LSM12: variants seen among roughly 807,000 people sequenced by gnomAD.
LSM12 encodes the protein protein LSM12.
For missense variants in LSM12, 108 were observed against 238.9 expected (o/e 0.45, Z 3.61); for synonymous variants, 74 against 87.3 (o/e 0.85, Z 0.85).
chr17:44,053,218 C>G (rs2049669580), intron 2 of LSM12, among the ~76,000 whole-genome samples: 1 of 152,170 alleles, frequency 6.6e-6, no homozygotes. Flanking sequence ...CAAATTCAGC[C>G]AACCACTTGT....
Position 44,037,551 on chromosome 17 carries a change from G to A in LSM12, c.369-13C>T, listed in dbSNP as rs766167532. 6 of 1,599,592 alleles carry A rather than the reference G, an allele frequency of 3.8e-6. No homozygotes were observed. The highest frequency in any genetic ancestry group is 5.1e-6 in the Non-Finnish European group (6 of 1,173,678). On this transcript the variant is annotated splice_polypyrimidine_tract_variant and intron_variant, in intron 3 of 4. Transcript: ENST00000293406. ...ACAGTCTTTAATGCTGGAAGGAGAAGACAGCAGGCGAAATGTAACCTCTTG... is the reference window on the plus strand; with the variant it reads ...ACAGTCTTTAATGCTGGAAGGAGAAAACAGCAGGCGAAATGTAACCTCTTG...
intron 2 of LSM12, among the ~76,000 whole-genome samples, chr17:44,043,837 A>G (rs2049527435): frequency 6.6e-6 from 1 of 151,854 alleles, no homozygotes; most frequent in South Asian, 2.1e-4. Context: ...GAAGTCTTTA[A>G]GGAAAGAAGG....
At chr17:44,064,794 A>G (rs1267692773) in intron 1 of LSM12, among the ~76,000 whole-genome samples, 1 of 152,084 alleles carries the variant, frequency 6.6e-6, no homozygotes, top group African/African-American at 2.4e-5. Context: ...CCACTAATGT[A>G]AAAGGTCTTA....
At chr17:44,057,511 C>A (rs1275282407) in intron 2 of LSM12, among the ~76,000 whole-genome samples, 1 of 151,302 alleles carries the variant, frequency 6.6e-6, no homozygotes. Flanking sequence ...CCTGTAATCC[C>A]AGCACTTTGG....
intron 2 of LSM12, among the ~76,000 whole-genome samples, chr17:44,061,808 A>T (rs928796808): frequency 2.6e-5 from 4 of 152,238 alleles, no homozygotes; most frequent in Non-Finnish European, 4.4e-5. Flanking sequence ...GAGGCATCTT[A>T]TTCATCCAAC....
At chr17:44,045,936 C>CTTTT (rs67446547) in intron 2 of LSM12, among the ~76,000 whole-genome samples, 1 of 122,572 alleles carries the variant, frequency 8.2e-6, no homozygotes, top group African/African-American at 3.2e-5. Flanking sequence ...AAATATTTTA[C>CTTTT]TTTTTTTTTT....
At chr17:44,037,849 G>A (rs1205695810) in intron 3 of LSM12, among the ~76,000 whole-genome samples, 1 of 152,180 alleles carries the variant, frequency 6.6e-6, no homozygotes, top group Non-Finnish European at 1.5e-5. Flanking sequence ...AGCAGCCTAG[G>A]GCAGAGGCTG....
chr17:44,045,107 A>C (rs567736574), intron 2 of LSM12, among the ~76,000 whole-genome samples: 2 of 152,256 alleles, frequency 1.3e-5, no homozygotes, highest in South Asian at 4.2e-4. Flanking sequence ...AGCTCACTGC[A>C]ACCTCCGCCT....
intron 4 of LSM12, 188 bp downstream of exon 4, chr17:44,037,224 A>G (rs2049427555): frequency 1.8e-6 from 1 of 554,934 alleles, no homozygotes; most frequent in Non-Finnish European, 2.9e-6. Context: ...TTCTTTCCAC[A>G]CCACCCAGTG....
At position 44,046,487 on chromosome 17, in the gene LSM12, C is replaced by CACGG. The variant is rs1002810775; in HGVS notation, c.259-6235_259-6232dup. 1.5e-3 allele frequency among the ~76,000 whole-genome samples: 234 copies of CACGG among 151,132 alleles called. 1 individual carries two copies. Among genetic ancestry groups the CACGG allele is most frequent in the African/African-American group, 5.5e-3 (226 of 41,396 alleles). On this transcript the variant is annotated intron_variant, in intron 2 of 4. Coordinates refer to ENST00000293406, the MANE Select transcript of LSM12 (RefSeq NM_001371445.1). ...CTTTGGGAGGCCGAGGCGGATGGATCACGGGGTCAGGAGATCGAGACCATC... is the reference window on the plus strand; with the variant it reads ...CTTTGGGAGGCCGAGGCGGATGGATCACGGACGGGGTCAGGAGATCGAGACCATC...
upstream of LSM12, chr17:44,066,690 C>A: frequency 8.1e-7 from 1 of 1,228,946 alleles, no homozygotes; most frequent in Non-Finnish European, 1.0e-6. Flanking sequence ...AGCGTGCTTG[C>A]GTCACACGCC....
chr17:44,055,953 C>T (rs2049707809), intron 2 of LSM12, among the ~76,000 whole-genome samples: 1 of 151,446 alleles, frequency 6.6e-6, no homozygotes, highest in Admixed American at 6.6e-5. Flanking sequence ...CGAATTCTTC[C>T]CTCAATGTGA....
At chr17:44,066,697 C>T (rs2049885529), upstream of LSM12, 11 of 1,222,514 alleles carry the variant, frequency 9.0e-6, no homozygotes, top group Non-Finnish European at 1.1e-5. Context: ...TTGCGTCACA[C>T]GCCGGGGCGT....
intron 1 of LSM12, 117 bp from the exon 2 acceptor site, chr17:44,064,051 T>G: frequency 9.0e-7 from 1 of 1,114,786 alleles, no homozygotes. Context: ...GCCAGGAGCA[T>G]GAGGGCCTTA....
At position 44,035,677 on chromosome 17, in the gene LSM12, C is replaced by CAAAAAAAAAAAA. The variant is rs71160079; in HGVS notation, c.*519_*530dup. The CAAAAAAAAAAAA allele has an allele frequency of 5.2e-5, 3 of 58,064 alleles. No homozygotes were observed. Among genetic ancestry groups the CAAAAAAAAAAAA allele is most frequent in the African/African-American group, 7.2e-5 (1 of 13,896 alleles). The allele number at this position is 58,064 out of a possible 1,614,324, so 3.6% of individuals were successfully genotyped here. ...AAACTAATTCAAGCCATGCCCTGTG[C>CAAAAAAAAAAAA]AAAAAAAAAAAAAAAAAGAAAAAAG... On this transcript the variant is annotated 3_prime_UTR_variant, in exon 5 of 5. Transcript: ENST00000293406.
chr17:44,057,734 G>A lies in LSM12; in HGVS notation c.258+6067C>T, dbSNP rs551702603. On this transcript the variant is annotated intron_variant, in intron 2 of 4. Coordinates refer to ENST00000293406, the MANE Select transcript of LSM12 (RefSeq NM_001371445.1). ...AGACAGCACTACTGCATTATAGCCT[G>A]GGAGACAGACGGAGACTCTGTCTCA... Among the ~76,000 whole-genome samples the A allele has an allele frequency of 7.5e-4, 114 of 151,470 alleles. 1 individual carries two copies. Among genetic ancestry groups the A allele is most frequent in the South Asian group, 4.8e-3 (23 of 4,796 alleles).
intron 4 of LSM12, 103 bp from the exon 5 acceptor site, chr17:44,036,403 C>T (rs1366643740): frequency 1.2e-5 from 18 of 1,448,054 alleles, no homozygotes; most frequent in Admixed American, 1.9e-5. Context: ...GCTGTCCAGC[C>T]CATTGGTGTC....
intron 3 of LSM12, among the ~76,000 whole-genome samples, chr17:44,039,910 A>T (rs914418656): frequency 6.6e-6 from 1 of 152,218 alleles, no homozygotes; most frequent in African/African-American, 2.4e-5. Flanking sequence ...ATCCAAAACT[A>T]AGTTTTACAG....
At chr17:44,045,627 AT>A (rs2049552756) in intron 2 of LSM12, among the ~76,000 whole-genome samples, 1 of 151,956 alleles carries the variant, frequency 6.6e-6, no homozygotes, top group Non-Finnish European at 1.5e-5. Flanking sequence ...CTGGAATGTA[AT>A]GGCACAATCT....
Sources: allele counts gnomAD v4.1 joint callset (sites outside exome capture counted in the v4.1 genomes callset), GRCh38; gene constraint gnomAD v4.1.1; transcripts MANE v1.5; gene names NCBI Gene and HGNC (gene_info 2026-07-23, HGNC 2026-07-21).